Variants in ATAD2B observed in about 807,000 individuals in gnomAD.
The protein encoded by ATAD2B is ATPase family AAA domain-containing protein 2B.
In ATAD2B, 40 loss-of-function variants were observed where a neutral mutation model predicts 167.6. That is an observed-to-expected ratio of 0.24 (90% CI 0.19 to 0.31). The LOEUF is 0.31. Among genes scored for constraint, ATAD2B ranks in the 10% least tolerant of loss-of-function variants. The probability of loss-of-function intolerance (pLI) is 1.00; values close to 1 mark genes in which losing one functional copy is unlikely to be tolerated. For missense variants in ATAD2B, 1,242 were observed against 1,757.2 expected, an observed-to-expected ratio of 0.71 and a Z score of 5.24; for synonymous variants, 579 against 596.5, an observed-to-expected ratio of 0.97 and a Z score of 0.43.
intron 18 of ATAD2B, among the ~76,000 whole-genome samples, chr2:23,801,370 A>G (rs1180017307): frequency 6.6e-6 from 1 of 152,174 alleles, no homozygotes; most frequent in African/African-American, 2.4e-5. Context: ...GTAGAAAAAT[A>G]TAGCCTAGTT....
intron 8 of ATAD2B, among the ~76,000 whole-genome samples, chr2:23,875,123 T>C (rs1293170214): frequency 6.6e-6 from 1 of 150,660 alleles, no homozygotes; most frequent in Non-Finnish European, 1.5e-5. Flanking sequence ...ATGCTTCAAA[T>C]GAAACCAATG....
chr2:23,695,595 AG>A, the ATAD2B span: 2 of 1,501,860 alleles, frequency 1.3e-6, no homozygotes, highest in Admixed American at 4.4e-5. The surrounding 1 kb of genome is among the most constrained non-coding windows in gnomAD (Gnocchi z 7.6). Context: ...TGCTAGTCTA[AG>A]AAGATTCTGT....
chr2:23,907,957 T>A (rs2150497339), intron 1 of ATAD2B, among the ~76,000 whole-genome samples: 1 of 152,084 alleles, frequency 6.6e-6, no homozygotes, highest in African/African-American at 2.4e-5. Flanking sequence ...TGAAACTGGA[T>A]CCCTTCCTTA....
At chr2:23,883,183 C>T (rs1357414901) in intron 6 of ATAD2B, among the ~76,000 whole-genome samples, 1 of 148,952 alleles carries the variant, frequency 6.7e-6, no homozygotes, top group African/African-American at 2.5e-5. Context: ...AGGAGGCTGA[C>T]ATGGGAGGAT....
At chr2:23,730,665 CAAAAAAAAA>C in the ATAD2B span, among the ~76,000 whole-genome samples, 23 of 31,988 alleles carry the variant, frequency 7.2e-4, no homozygotes, top group South Asian at 5.3e-3. Flanking sequence ...GACTCCGTTT[CAAAAAAAAA>C]AAAAAAAAAA....
chr2:23,825,792 A>C (rs531108161), intron 15 of ATAD2B, among the ~76,000 whole-genome samples: 1 of 18,468 alleles, frequency 5.4e-5, no homozygotes, highest in Admixed American at 6.4e-4. Context: ...CTCAGAAACT[A>C]TTAGGCAAAA....
intron 1 of ATAD2B, among the ~76,000 whole-genome samples, chr2:23,905,880 T>A (rs1377253439): frequency 1.3e-5 from 2 of 152,206 alleles, no homozygotes; most frequent in Non-Finnish European, 2.9e-5. Flanking sequence ...GAAGTTAAAA[T>A]TTAACTCCTT....
intron 15 of ATAD2B, among the ~76,000 whole-genome samples, chr2:23,828,464 G>C (rs1013675266): frequency 6.6e-6 from 1 of 152,152 alleles, no homozygotes; most frequent in Admixed American, 6.6e-5. Context: ...TGTGTAATCT[G>C]CAAAGTAAAA....
intron 22 of ATAD2B, among the ~76,000 whole-genome samples, chr2:23,782,105 C>T (rs555432604): frequency 2.6e-5 from 4 of 152,338 alleles, no homozygotes; most frequent in African/African-American, 9.6e-5. Context: ...GTGCAAGCCA[C>T]CACACCCAGC....
chr2:23,754,436 T>C (rs980690497), intron 26 of ATAD2B, 129 bp from the exon 27 acceptor site: 13 of 1,178,160 alleles, frequency 1.1e-5, no homozygotes, highest in Admixed American at 8.9e-5. Context: ...ATTAAAAGAT[T>C]TGAGGGCTTA....
chr2:23,805,752 T>A (rs1281096092), intron 18 of ATAD2B, among the ~76,000 whole-genome samples: 1 of 141,640 alleles, frequency 7.1e-6, no homozygotes, highest in Non-Finnish European at 1.5e-5. Flanking sequence ...ACATTTCCAC[T>A]AAGTCTAAGC....
At chr2:23,845,299 G>C (rs1691581201) in intron 13 of ATAD2B, among the ~76,000 whole-genome samples, 1 of 151,998 alleles carries the variant, frequency 6.6e-6, no homozygotes. Context: ...AGCCCAAACT[G>C]GAAACAACCT....
At chr2:23,827,386 A>C (rs992562779) in intron 15 of ATAD2B, among the ~76,000 whole-genome samples, 1 of 152,224 alleles carries the variant, frequency 6.6e-6, no homozygotes, top group Non-Finnish European at 1.5e-5. Context: ...CTAAGATTCT[A>C]ATATTTGGGG....
chr2:23,816,773 T>C (rs1686517140), intron 17 of ATAD2B, among the ~76,000 whole-genome samples: 1 of 152,194 alleles, frequency 6.6e-6, no homozygotes, highest in Non-Finnish European at 1.5e-5. Context: ...GAAAATTCTG[T>C]TTCTAGTCAC....
chr2:23,881,005 C>A (rs1240709638), intron 6 of ATAD2B, among the ~76,000 whole-genome samples: 1 of 152,168 alleles, frequency 6.6e-6, no homozygotes, highest in Non-Finnish European at 1.5e-5. Flanking sequence ...TATTTTATCT[C>A]TTGATTTACT....
intron 1 of ATAD2B, among the ~76,000 whole-genome samples, chr2:23,897,062 G>A (rs982170132): frequency 7.2e-5 from 11 of 152,142 alleles, no homozygotes; most frequent in African/African-American, 2.4e-4. Context: ...CCCAGGAGGT[G>A]GAGGTTGCAG....
At chr2:23,883,010 A>G (rs1698175745) in intron 6 of ATAD2B, among the ~76,000 whole-genome samples, 1 of 152,088 alleles carries the variant, frequency 6.6e-6, no homozygotes, top group Admixed American at 6.6e-5. Context: ...ATGGTGGCTT[A>G]CGCCTATAAA....
intron 1 of ATAD2B, among the ~76,000 whole-genome samples, chr2:23,898,047 C>G (rs1169290260): frequency 6.6e-6 from 1 of 152,192 alleles, no homozygotes; most frequent in Non-Finnish European, 1.5e-5. Flanking sequence ...TGGACTCAAG[C>G]AATCCTCTAG....
intron 20 of ATAD2B, among the ~76,000 whole-genome samples, 163 bp from the exon 21 acceptor site, chr2:23,786,386 T>C (rs1680812717): frequency 6.6e-6 from 1 of 152,108 alleles, no homozygotes; most frequent in African/African-American, 2.4e-5. Context: ...GGCAATTTTG[T>C]CATTGTGTGA....
Sources: allele counts gnomAD v4.1 joint callset (sites outside exome capture counted in the v4.1 genomes callset), GRCh38; gene constraint gnomAD v4.1.1; non-coding constraint Gnocchi (gnomAD v3.1); transcripts MANE v1.5; gene names NCBI Gene and HGNC (gene_info 2026-07-23, HGNC 2026-07-21).